MRAP2: variants seen among roughly 807,000 people sequenced by gnomAD.
MRAP2 encodes the protein melanocortin-2 receptor accessory protein 2.
Under a neutral mutation model 17.4 loss-of-function variants are expected in MRAP2, and 20 were observed. The ratio of observed to expected loss-of-function variants is 1.15; its 90% CI spans 0.81 to 1.67. The LOEUF (loss-of-function observed/expected upper bound fraction) is 1.67. Among genes scored for constraint, MRAP2 ranks in the 40% most tolerant of loss-of-function variants. The pLI is 0.00. For synonymous variants in MRAP2, 96 were observed against 88.4 expected, an observed-to-expected ratio of 1.09 and a Z score of -0.48; for missense variants, 238 against 240.0, an observed-to-expected ratio of 0.99 and a Z score of 0.05.
chr6:84,099,876 T>C, the MRAP2 span, among the ~76,000 whole-genome samples: 1 of 151,832 alleles, frequency 6.6e-6, no homozygotes, highest in Non-Finnish European at 1.5e-5. Context: ...TTTTTTTTTT[T>C]ATTTGAGACA....
intron 2 of MRAP2, among the ~76,000 whole-genome samples, chr6:84,059,219 T>G (rs2099492446): frequency 6.6e-6 from 1 of 152,208 alleles, no homozygotes; most frequent in South Asian, 2.1e-4. Context: ...ATTCATGCTT[T>G]TTCGTGTGCC....
downstream of MRAP2, among the ~76,000 whole-genome samples, chr6:84,095,434 G>A (rs1401114735): frequency 2.0e-5 from 3 of 152,146 alleles, no homozygotes; most frequent in Non-Finnish European, 4.4e-5. Flanking sequence ...AATGATCAAA[G>A]AGTATATTGC....
At chr6:84,044,235 G>A (rs2099488396) in intron 1 of MRAP2, among the ~76,000 whole-genome samples, 1 of 152,136 alleles carries the variant, frequency 6.6e-6, no homozygotes, top group Admixed American at 6.5e-5. Context: ...TGCCCAGGCT[G>A]GAGTGCAATG....
chr6:84,145,790 T>C, the MRAP2 span, among the ~76,000 whole-genome samples: 1 of 152,144 alleles, frequency 6.6e-6, no homozygotes, highest in Non-Finnish European at 1.5e-5. Context: ...TTCATGCCTA[T>C]TGCTGCGTGT....
At chr6:84,108,035 T>C in the MRAP2 span, among the ~76,000 whole-genome samples, 1 of 152,224 alleles carries the variant, frequency 6.6e-6, no homozygotes, top group Non-Finnish European at 1.5e-5. Context: ...TCCCAAATTA[T>C]CTGGGATGTA....
intron 3 of MRAP2, among the ~76,000 whole-genome samples, chr6:84,085,935 G>A (rs992508344): frequency 6.6e-6 from 1 of 152,230 alleles, no homozygotes; most frequent in Non-Finnish European, 1.5e-5. Flanking sequence ...GGCTTAGCCT[G>A]AGTGAAGACT....
the MRAP2 span, among the ~76,000 whole-genome samples, chr6:84,120,736 T>C: frequency 6.6e-6 from 1 of 152,150 alleles, no homozygotes; most frequent in Non-Finnish European, 1.5e-5. Flanking sequence ...GGCCCATAGA[T>C]AGTCAAAAGA....
the MRAP2 span, among the ~76,000 whole-genome samples, chr6:84,136,052 G>A: frequency 6.6e-6 from 1 of 152,194 alleles, no homozygotes; most frequent in African/African-American, 2.4e-5. Context: ...CCTGGGCACT[G>A]TGTCTTAAGC....
At chr6:84,040,374 A>G (rs2099487212) in intron 1 of MRAP2, among the ~76,000 whole-genome samples, 1 of 152,180 alleles carries the variant, frequency 6.6e-6, no homozygotes, top group African/African-American at 2.4e-5. Context: ...GACTAACACC[A>G]TAAATTGGTA....
At chr6:84,077,995 A>C (rs2099498025) in intron 3 of MRAP2, among the ~76,000 whole-genome samples, 1 of 152,186 alleles carries the variant, frequency 6.6e-6, no homozygotes, top group Admixed American at 6.5e-5. Flanking sequence ...ACTTAATTTA[A>C]ATTTAAATAG....
the MRAP2 span, among the ~76,000 whole-genome samples, chr6:84,115,992 C>T: frequency 1.3e-5 from 2 of 152,200 alleles, no homozygotes; most frequent in East Asian, 1.9e-4. Flanking sequence ...ATCGATCTTG[C>T]TGGGAGCTGC....
the MRAP2 span, among the ~76,000 whole-genome samples, chr6:84,104,862 C>T: frequency 2.0e-5 from 3 of 151,448 alleles, no homozygotes; most frequent in South Asian, 6.2e-4. Context: ...AGCAAGACTC[C>T]GTCTCAAAAA....
chr6:84,131,060 T>C, the MRAP2 span, among the ~76,000 whole-genome samples: 1 of 152,236 alleles, frequency 6.6e-6, no homozygotes, highest in South Asian at 2.1e-4. Flanking sequence ...GTCATGTCTT[T>C]GTTCTCACTG....
rs555385015 is a variant in MRAP2 at position 84,059,986 on chromosome 6, T to A, written c.128-2907T>A. Among the ~76,000 whole-genome samples, 9 of 152,224 alleles carry A rather than the reference T, an allele frequency of 5.9e-5. No individual in the cohort carries two copies. In the South Asian group the frequency reaches 1.5e-3, roughly 25 times the overall value. ...GGATATTTCTGGGATGAGATGGGGATCTCTGATGTTTCTTGTAAGAGGCTC... is the reference window on the plus strand; with the variant it reads ...GGATATTTCTGGGATGAGATGGGGAACTCTGATGTTTCTTGTAAGAGGCTC... On this transcript the variant is annotated intron_variant, in intron 2 of 3. Transcript: ENST00000257776.
intron 3 of MRAP2, among the ~76,000 whole-genome samples, chr6:84,075,553 C>T (rs1387117521): frequency 1.3e-5 from 2 of 152,194 alleles, no homozygotes; most frequent in Non-Finnish European, 2.9e-5. Flanking sequence ...ATTTACTCTG[C>T]ATGCTGTCTT....
chr6:84,060,349 G>A (rs1046289558), intron 2 of MRAP2, among the ~76,000 whole-genome samples: 1 of 152,118 alleles, frequency 6.6e-6, no homozygotes, highest in Non-Finnish European at 1.5e-5. Context: ...GCAGAGGGAA[G>A]GGGGACTGGG....
chr6:84,075,851 A>G (rs2099497464), intron 3 of MRAP2, among the ~76,000 whole-genome samples: 1 of 152,176 alleles, frequency 6.6e-6, no homozygotes, highest in South Asian at 2.1e-4. Context: ...CTCATTAAAG[A>G]ATGGGTACAT....
chr6:84,071,999 C>G (rs1393591718), intron 3 of MRAP2, among the ~76,000 whole-genome samples: 4 of 152,022 alleles, frequency 2.6e-5, no homozygotes, highest in African/African-American at 9.7e-5. Context: ...TTTTAGACTT[C>G]TAGTGTTGGG....
chr6:84,113,676 G>T, the MRAP2 span, among the ~76,000 whole-genome samples: 2 of 152,184 alleles, frequency 1.3e-5, no homozygotes, highest in Non-Finnish European at 2.9e-5. Context: ...TTTCTTCATA[G>T]TGTCAATGGT....
Sources: gnomAD v4.1 joint callset for allele counts (sites outside exome capture counted in the v4.1 genomes callset) on GRCh38, gnomAD v4.1.1 for gene constraint, MANE v1.5 for transcripts, NCBI Gene and HGNC (gene_info 2026-07-23, HGNC 2026-07-21) for gene names.